Variants in KIF26B observed in about 807,000 individuals in gnomAD.
KIF26B encodes the protein kinesin family member 26B, also known as kinesin-like protein KIF26B.
A neutral mutation model predicts 151.2 loss-of-function variants in KIF26B; 63 were observed. That is an observed-to-expected ratio of 0.42 (90% CI 0.34 to 0.51). The LOEUF (loss-of-function observed/expected upper bound fraction) is 0.51. Among genes scored for constraint, KIF26B ranks in the 20% least tolerant of loss-of-function variants. The pLI, the probability that KIF26B is intolerant of heterozygous loss-of-function variation, is 0.07. For synonymous variants in KIF26B, 1,357 were observed against 1,262.1 expected, an observed-to-expected ratio of 1.08 and a Z score of -1.59; for missense variants, 2,813 against 2,913.6, an observed-to-expected ratio of 0.97 and a Z score of 0.79.
At chr1:245,460,412 A>G (rs1659621924) in intron 4 of KIF26B, among the ~76,000 whole-genome samples, 1 of 152,086 alleles carries the variant, frequency 6.6e-6, no homozygotes, top group South Asian at 2.1e-4. Context: ...CTGTTTTGGT[A>G]ATGTTTCCTT....
chr1:245,473,721 A>C lies in KIF26B; in HGVS notation c.1166+53976A>C, dbSNP rs749799939. Among the ~76,000 whole-genome samples, 13 of 151,954 alleles carry C rather than the reference A, an allele frequency of 8.6e-5. 1 individual carries two copies. The highest frequency in any genetic ancestry group is 1.8e-4 in the Non-Finnish European group (12 of 67,884). On this transcript the variant is annotated intron_variant, in intron 4 of 14. Transcript: ENST00000407071. Reference sequence around the variant, plus strand: ...TAGGTTTTACAACAAATAGGATTATACAACCAATTTTATCACAGTGAATTT... The same window carrying C: ...TAGGTTTTACAACAAATAGGATTATCCAACCAATTTTATCACAGTGAATTT...
At chr1:245,222,022 C>T (rs903614208) in intron 2 of KIF26B, among the ~76,000 whole-genome samples, 7 of 152,162 alleles carry the variant, frequency 4.6e-5, no homozygotes, top group Non-Finnish European at 8.8e-5. Context: ...GTCATTCTCC[C>T]GAGCTGTGAA....
At chr1:245,451,839 A>G (rs972908471) in intron 4 of KIF26B, among the ~76,000 whole-genome samples, 3 of 152,114 alleles carry the variant, frequency 2.0e-5, no homozygotes, top group Non-Finnish European at 4.4e-5. Flanking sequence ...ACCTCAGGTG[A>G]TCCACCCACC....
chr1:245,607,510 C>T (rs529319758), intron 6 of KIF26B, 141 bp from the exon 7 acceptor site: 2 of 633,256 alleles, frequency 3.2e-6, no homozygotes, highest in African/African-American at 3.7e-5. Context: ...ATCTCCAAAA[C>T]TTCACGACAG....
In KIF26B at chr1:245,229,654, A is replaced by G. The variant is rs181869428; in HGVS notation, c.465+72971A>G. Among the ~76,000 whole-genome samples, 316 of 152,326 alleles carry G rather than the reference A, an allele frequency of 2.1e-3. 1 individual carries two copies. The highest frequency in any genetic ancestry group is 7.3e-3 in the African/African-American group (305 of 41,576). ...ACATTTTTAGCCTCATCCTATTCCTATAAGTGACAGGCACTGTAACTATTG... is the reference window on the plus strand; with the variant it reads ...ACATTTTTAGCCTCATCCTATTCCTGTAAGTGACAGGCACTGTAACTATTG... On this transcript the variant is annotated intron_variant, in intron 2 of 14. Transcript: ENST00000407071.
intron 2 of KIF26B, among the ~76,000 whole-genome samples, chr1:245,293,347 G>A (rs985940235): frequency 6.6e-6 from 1 of 152,080 alleles, no homozygotes; most frequent in Non-Finnish European, 1.5e-5. Context: ...AGGAGATGTT[G>A]TGGGGTTGGA....
At chr1:245,492,405 A>G (rs895488942) in intron 4 of KIF26B, among the ~76,000 whole-genome samples, 2 of 152,232 alleles carry the variant, frequency 1.3e-5, no homozygotes, top group South Asian at 2.1e-4. Flanking sequence ...TCTTAAATAC[A>G]GTGTTCAACT....
intron 5 of KIF26B, among the ~76,000 whole-genome samples, chr1:245,584,028 G>A (rs1032858591): frequency 5.3e-5 from 8 of 152,240 alleles, no homozygotes; most frequent in Admixed American, 6.5e-5. Flanking sequence ...ATTTGTCCCC[G>A]CCCAAATCTC....
At chr1:245,364,825 C>T (rs1672905734) in intron 2 of KIF26B, among the ~76,000 whole-genome samples, 1 of 151,776 alleles carries the variant, frequency 6.6e-6, no homozygotes, top group Non-Finnish European at 1.5e-5. Context: ...TTTTTGAAGC[C>T]AAACAGTTTG....
At chr1:245,665,504 T>C (rs2044202826) in intron 10 of KIF26B, among the ~76,000 whole-genome samples, 1 of 152,196 alleles carries the variant, frequency 6.6e-6, no homozygotes, top group Non-Finnish European at 1.5e-5. Context: ...ATGAAATGTT[T>C]TTAATCCAAT....
chr1:245,261,036 TTTC>T (rs201051199), intron 2 of KIF26B, among the ~76,000 whole-genome samples: 1,842 of 151,416 alleles, frequency 0.012, 34 homozygotes, highest in African/African-American at 0.042. Flanking sequence ...TCTGTCTTTC[TTTC>T]TTTTCTTTCT....
At chr1:245,471,009 G>T (rs1174169461) in intron 4 of KIF26B, among the ~76,000 whole-genome samples, 1 of 152,130 alleles carries the variant, frequency 6.6e-6, no homozygotes, top group East Asian at 1.9e-4. Context: ...TTTCTAGAGA[G>T]CCAAAGCCAT....
chr1:245,630,006 GAAATGCAAATCA>G (rs1160326344), intron 9 of KIF26B, among the ~76,000 whole-genome samples: 2 of 152,084 alleles, frequency 1.3e-5, no homozygotes, highest in South Asian at 4.1e-4. Flanking sequence ...GATCATTAGA[GAAATGCAAATCA>G]AAATGACAAT....
At chr1:245,478,316 G>A (rs1046403365) in intron 4 of KIF26B, among the ~76,000 whole-genome samples, 1 of 151,670 alleles carries the variant, frequency 6.6e-6, no homozygotes, top group Non-Finnish European at 1.5e-5. Flanking sequence ...ACGTTTCTGT[G>A]GGGGTGTGTT....
rs1669904111 is a variant in KIF26B at position 245,227,750 on chromosome 1, CA to C, written c.465+71068del. On this transcript the variant is annotated intron_variant, in intron 2 of 14. Coordinates refer to ENST00000407071, the MANE Select transcript of KIF26B (RefSeq NM_018012.4). This position sits in a 1 kb window ranked among gnomAD's most constrained non-coding sequence, Gnocchi z 4.1. ...GTGTGGTGGCTCACGCCTGTGATTC[CA>C]GCACTTTAGGAGGCTGAGGTGGGTG... Among the ~76,000 whole-genome samples, 2 of 151,974 alleles carry C rather than the reference CA, an allele frequency of 1.3e-5. No homozygotes were observed. The highest frequency in any genetic ancestry group is 4.8e-5 in the African/African-American group (2 of 41,382).
chr1:245,506,802 T>TC (rs1660735618), intron 4 of KIF26B, among the ~76,000 whole-genome samples: 1 of 152,226 alleles, frequency 6.6e-6, no homozygotes, highest in Admixed American at 6.5e-5. Flanking sequence ...TGCCTCAGCC[T>TC]CCCAAGTAGC....
intron 2 of KIF26B, among the ~76,000 whole-genome samples, chr1:245,303,406 G>A (rs1347555241): frequency 6.0e-5 from 9 of 150,638 alleles, no homozygotes; most frequent in Admixed American, 1.3e-4. Context: ...CACCGTGTTA[G>A]CCAGGATGGT....
At chr1:245,646,589 T>C (rs2043949680) in intron 10 of KIF26B, among the ~76,000 whole-genome samples, 1 of 152,186 alleles carries the variant, frequency 6.6e-6, no homozygotes, top group Non-Finnish European at 1.5e-5. Context: ...ATAATAAAGA[T>C]GTGCCTGTTT....
intron 2 of KIF26B, among the ~76,000 whole-genome samples, chr1:245,355,723 T>C (rs1473428798): frequency 1.3e-5 from 2 of 152,090 alleles, no homozygotes; most frequent in Admixed American, 1.3e-4. Context: ...CTCTGGGCTA[T>C]GTCTCCGGGG....
Sources: allele counts gnomAD v4.1 joint callset (sites outside exome capture counted in the v4.1 genomes callset), GRCh38; gene constraint gnomAD v4.1.1; non-coding constraint Gnocchi (gnomAD v3.1); transcripts MANE v1.5; gene names NCBI Gene and HGNC (gene_info 2026-07-23, HGNC 2026-07-21).